Variants in SCARB1 observed in about 807,000 individuals in gnomAD.
SCARB1 encodes the protein CD36 and LIMPII analogous 1.
In SCARB1, 30 loss-of-function variants were observed where a neutral mutation model predicts 57.2. The observed-to-expected ratio is 0.52, with a 90% CI of 0.39 to 0.71. The LOEUF (loss-of-function observed/expected upper bound fraction) is 0.71. SCARB1 is among the 30% of genes least tolerant of loss of function. SCARB1 has a pLI of 0.00. For missense variants in SCARB1, 543 were observed against 671.2 expected (o/e 0.81, Z 2.11); for synonymous variants, 249 against 268.3 (o/e 0.93, Z 0.70).
chr12:124,836,236 C>T (rs1160273641), intron 1 of SCARB1, among the ~76,000 whole-genome samples: 4 of 152,188 alleles, frequency 2.6e-5, no homozygotes, highest in Admixed American at 6.5e-5. Flanking sequence ...TTCACTGGCA[C>T]GCACTGGCAA....
Position 124,856,749 on chromosome 12 carries a change from G to A in SCARB1, c.126+6846C>T, listed in dbSNP as rs142914611. On this transcript the variant is annotated intron_variant, in intron 1 of 12. Transcript: ENST00000261693. ...TGGAGACACTGGGCCTCCCCCCCAG[G>A]TTCCGCAGGGGGGCTGATAAAGGCG... Among the ~76,000 whole-genome samples, 44 of 152,330 alleles carry A rather than the reference G, an allele frequency of 2.9e-4. No homozygotes were observed. The East Asian group carries it at 8.3e-3, about 29-fold the overall frequency.
chr12:124,784,232 G>C (rs2135531247), intron 11 of SCARB1: 1 of 152,438 alleles, frequency 6.6e-6, no homozygotes, highest in Non-Finnish European at 1.5e-5. Flanking sequence ...GAGTCCTTCT[G>C]TCCTCCCTAC....
chr12:124,780,075 G>A (rs546208232), intron 12 of SCARB1, among the ~76,000 whole-genome samples: 66 of 152,200 alleles, frequency 4.3e-4, no homozygotes, highest in Admixed American at 1.3e-3. Context: ...AACAAAACCC[G>A]CAGGTGCCAG....
intron 1 of SCARB1, among the ~76,000 whole-genome samples, chr12:124,845,554 A>AAC (rs1952108157): frequency 6.7e-6 from 1 of 148,162 alleles, no homozygotes; most frequent in Admixed American, 6.7e-5. Context: ...AAAAAAAAAA[A>AAC]ATTAGCCGGG....
chr12:124,777,578 G>GGCCCCC lies in SCARB1; in HGVS notation c.*1003_*1008dup, dbSNP rs1421077207. The GGCCCCC allele has an allele frequency of 5.9e-5, 9 of 152,246 alleles. No homozygotes were observed. The highest frequency in any genetic ancestry group is 2.2e-4 in the African/African-American group (9 of 41,452). The allele number at this position is 152,246 out of a possible 1,614,324, so 9.4% of individuals were successfully genotyped here. On this transcript the variant is annotated 3_prime_UTR_variant, in exon 13 of 13. Transcript: ENST00000261693. ...GAAGAGGAGCCCGGAACTTCCCAGAGGCCCCCACCCCCACGACCTCAGCAA... is the reference window on the plus strand; with the variant it reads ...GAAGAGGAGCCCGGAACTTCCCAGAGGCCCCCGCCCCCACCCCCACGACCTCAGCAA...
In SCARB1 at chr12:124,800,384, T is replaced by A; in HGVS notation, c.1010-142A>T. The A allele has an allele frequency of 1.6e-6, 1 of 634,058 alleles. No homozygotes were observed. Among genetic ancestry groups the A allele is most frequent in the Admixed American group, 2.7e-5 (1 of 37,664 alleles). 39.3% of individuals were successfully genotyped at this position (634,058 alleles called of 1,614,324 possible). On this transcript the variant is annotated intron_variant, in intron 7 of 12. Coordinates refer to ENST00000261693, the MANE Select transcript of SCARB1 (RefSeq NM_005505.5). The surrounding 1 kb of genome is among the most constrained non-coding windows in gnomAD (Gnocchi z 4.8). ...TAACCAGACAGAGAGGATCCCTTCC[T>A]CCATTCTGTAAAAAGCCCCAGGCCC...
Position 124,807,818 on chromosome 12 carries a change from C to T in SCARB1, c.952G>A (p.Glu318Lys), listed in dbSNP as rs759465275. The change falls in exon 7 of 13, where the codon GAA becomes AAA. Residue 318 changes from glutamate (E) to lysine (K), a missense_variant. Physicochemically the swap from Glu to Lys is moderately conservative, Grantham distance 56. Transcript: ENST00000261693. This position sits in a 1 kb window ranked among gnomAD's most constrained non-coding sequence, Gnocchi z 5.3. The part of the protein sequence containing the change: ...FANGSIYPPN[E>K]GFCPCLESGI... ...GACTCCAGGCACGGGCAGAAGCCTT[C>T]GTTGGGTGGGTAGATGGACCCGTTG... 22 of 1,614,018 alleles carry T rather than the reference C, an allele frequency of 1.4e-5. No individual in the cohort carries two copies. Among genetic ancestry groups the T allele is most frequent in the African/African-American group, 5.3e-5 (4 of 74,898 alleles).
At chr12:124,826,209 T>G (rs1163958372) in intron 1 of SCARB1, among the ~76,000 whole-genome samples, 2 of 151,634 alleles carry the variant, frequency 1.3e-5, no homozygotes, top group Non-Finnish European at 2.9e-5. Context: ...CGCGCACCTA[T>G]GGTCCCAGCT....
chr12:124,802,595 G>A (rs959378385), intron 7 of SCARB1, among the ~76,000 whole-genome samples: 3 of 152,116 alleles, frequency 2.0e-5, no homozygotes, highest in Non-Finnish European at 2.9e-5. Context: ...GCCAGCCCCC[G>A]CCCTTGCTTC....
chr12:124,842,621 A>T (rs1003503482), intron 1 of SCARB1, among the ~76,000 whole-genome samples: 1 of 152,274 alleles, frequency 6.6e-6, no homozygotes, highest in Non-Finnish European at 1.5e-5. Context: ...CGTGGCGGTC[A>T]CATCAACCCT....
chr12:124,794,102 C>T (rs1044749522), intron 9 of SCARB1, among the ~76,000 whole-genome samples: 5 of 152,130 alleles, frequency 3.3e-5, no homozygotes, highest in Non-Finnish European at 7.3e-5. Context: ...GGTAAGTCCG[C>T]AGAGACAGGA....
At chr12:124,833,999 C>T (rs1292817649) in intron 1 of SCARB1, among the ~76,000 whole-genome samples, 2 of 152,248 alleles carry the variant, frequency 1.3e-5, no homozygotes, top group African/African-American at 2.4e-5. Flanking sequence ...CGGACGTGCC[C>T]GTGCTGCCTG....
At chr12:124,803,995 G>A (rs368635389) in intron 7 of SCARB1, among the ~76,000 whole-genome samples, 11 of 152,192 alleles carry the variant, frequency 7.2e-5, no homozygotes, top group East Asian at 5.8e-4. Context: ...GACACACCTC[G>A]TCCCACGCCC....
intron 6 of SCARB1, among the ~76,000 whole-genome samples, chr12:124,808,221 C>G (rs1024990616): frequency 6.6e-6 from 1 of 152,006 alleles, no homozygotes; most frequent in African/African-American, 2.4e-5. Context: ...TTTGGGAGGC[C>G]GAGGTGGGAG....
chr12:124,847,423 C>G (rs1157956779), intron 1 of SCARB1, among the ~76,000 whole-genome samples: 1 of 152,240 alleles, frequency 6.6e-6, no homozygotes, highest in African/African-American at 2.4e-5. Flanking sequence ...GGCTCTGAGG[C>G]CTGGGCATCT....
chr12:124,831,032 G>T (rs1245262797), intron 1 of SCARB1, among the ~76,000 whole-genome samples: 1 of 150,752 alleles, frequency 6.6e-6, no homozygotes, highest in African/African-American at 2.4e-5. Context: ...CTGGAGTGCA[G>T]TGGCGCGATC....
At chr12:124,824,175 CAAA>C (rs35297518) in intron 1 of SCARB1, among the ~76,000 whole-genome samples, 25 of 108,428 alleles carry the variant, frequency 2.3e-4, no homozygotes, top group African/African-American at 4.1e-4. Flanking sequence ...GATTTCATCT[CAAA>C]AAAAAAAAAA....
In SCARB1 at chr12:124,795,254, G is replaced by A. The variant is rs755252077; in HGVS notation, c.1143C>T (p.Pro381=). 1.4e-5 allele frequency: 23 copies of A among 1,613,770 alleles called. No individual in the cohort carries two copies. The East Asian group carries it at 2.5e-4, about 17-fold the overall frequency. Residue 381 remains proline, a synonymous_variant, in exon 9 of 13, where the codon CCC becomes CCT. Transcript: ENST00000261693. ...GCTGCAGTTTCACAGAGCAGTTCAT[G>A]GGGATTCCCGTGACCTGCGGCAACA... ...FLDIHPVTGI[P]MNCSVKLQLS... is the part of the protein sequence containing the mutation.
chr12:124,793,460 G>A (rs898529574), intron 9 of SCARB1, among the ~76,000 whole-genome samples: 6 of 151,794 alleles, frequency 4.0e-5, no homozygotes, highest in East Asian at 1.9e-4. Flanking sequence ...TTGGGAGCCC[G>A]AGGCGGGCGG....
Sources: gnomAD v4.1 joint callset for allele counts (sites outside exome capture counted in the v4.1 genomes callset) on GRCh38, gnomAD v4.1.1 for gene constraint, Gnocchi (gnomAD v3.1) non-coding constraint, MANE v1.5 for transcripts, NCBI Gene and HGNC (gene_info 2026-07-23, HGNC 2026-07-21) for gene names.